Variants in PEX14 observed in about 807,000 individuals in gnomAD.
PEX14 encodes peroxisomal membrane protein PEX14.
Under a neutral mutation model 49.5 loss-of-function variants are expected in PEX14, and 15 were observed. The observed-to-expected ratio is 0.30, with a 90% CI of 0.20 to 0.47. PEX14 has a LOEUF of 0.47. Among genes scored for constraint, PEX14 ranks in the 20% least tolerant of loss-of-function variants. The pLI, the probability that PEX14 is intolerant of heterozygous loss-of-function variation, is 1.00. For synonymous variants in PEX14, 210 were observed against 212.7 expected, an observed-to-expected ratio of 0.99 and a Z score of 0.11; for missense variants, 398 against 494.8, an observed-to-expected ratio of 0.80 and a Z score of 1.86.
intron 3 of PEX14, among the ~76,000 whole-genome samples, chr1:10,556,602 G>A (rs1478855871): frequency 1.3e-5 from 2 of 152,152 alleles, no homozygotes; most frequent in East Asian, 1.9e-4. Context: ...TGAGCACTGC[G>A]CCTGATGTGG....
At chr1:10,481,719 A>G (rs1190994451) in intron 1 of PEX14, among the ~76,000 whole-genome samples, 1 of 149,932 alleles carries the variant, frequency 6.7e-6, no homozygotes, top group Non-Finnish European at 1.5e-5. Flanking sequence ...CTTAACACAT[A>G]TTTTTGAGAT....
chr1:10,525,061 G>C (rs894531262), intron 2 of PEX14, among the ~76,000 whole-genome samples: 21 of 152,158 alleles, frequency 1.4e-4, no homozygotes, highest in African/African-American at 5.1e-4. Context: ...GATGTTTATG[G>C]TATTTAGTGA....
Position 10,557,132 on chromosome 1 carries a change from C to G in PEX14, c.169+20835C>G, listed in dbSNP as rs563339912. ...ATCCATCAATACAGATCTCTAGCAT[C>G]AATTTTAGTAACTGCCTTGTGTTCT... On this transcript the variant is annotated intron_variant, in intron 3 of 8. Coordinates refer to ENST00000356607, the MANE Select transcript of PEX14 (RefSeq NM_004565.3). Among the ~76,000 whole-genome samples, 4 of 152,128 alleles carry G rather than the reference C, an allele frequency of 2.6e-5. No individual in the cohort carries two copies. The South Asian group carries it at 8.3e-4, about 32-fold the overall frequency.
chr1:10,627,158 C>T (rs568433509), intron 7 of PEX14, 114 bp from the exon 8 acceptor site: 1 of 783,690 alleles, frequency 1.3e-6, no homozygotes, highest in East Asian at 2.4e-5. Flanking sequence ...CCGGGTTCCC[C>T]AGAACAGACC....
intron 1 of PEX14, among the ~76,000 whole-genome samples, chr1:10,478,826 A>G (rs1410104098): frequency 1.3e-5 from 2 of 151,548 alleles, no homozygotes; most frequent in Admixed American, 6.6e-5. Context: ...ACTCACTGCA[A>G]GCTCCGCCTC....
At chr1:10,499,215 C>T (rs1641623319) in intron 2 of PEX14, among the ~76,000 whole-genome samples, 1 of 152,192 alleles carries the variant, frequency 6.6e-6, no homozygotes, top group African/African-American at 2.4e-5. Context: ...TCACTTGTTT[C>T]AATTCAGTTT....
At position 10,494,825 on chromosome 1, in the gene PEX14, C is replaced by T. The variant is rs539255444; in HGVS notation, c.37-449C>T. Among the ~76,000 whole-genome samples the T allele has an allele frequency of 7.0e-4, 106 of 152,302 alleles. No homozygotes were observed. Among genetic ancestry groups the T allele is most frequent in the Middle Eastern group, 3.4e-3 (1 of 294 alleles). ...AATCCTGAGCGTGGGCAGCTGGGGC[C>T]CCCTGGTGGTGGAATCTGGTTCTCC... On this transcript the variant is annotated intron_variant, in intron 1 of 8. Transcript: ENST00000356607. The surrounding 1 kb of genome is among the most constrained non-coding windows in gnomAD (Gnocchi z 4.3).
chr1:10,484,173 G>T (rs1026782148), intron 1 of PEX14, among the ~76,000 whole-genome samples: 2 of 119,826 alleles, frequency 1.7e-5, no homozygotes, highest in East Asian at 5.3e-4. Flanking sequence ...GATTACAGGC[G>T]CCCACCACCA....
In PEX14 at chr1:10,629,757, G is replaced by T. The variant is rs759395711; in HGVS notation, c.904G>T (p.Val302Leu). Reference sequence around the variant, plus strand: ...GGGCCCCCAGGAGGAAGGCGAGGGGGTGGTGGACGTCAAGGGCCAGGTGCG... The same window carrying T: ...GGGCCCCCAGGAGGAAGGCGAGGGGTTGGTGGACGTCAAGGGCCAGGTGCG... Reference protein sequence around the residue: ...LLGPQEEGEGVVDVKGQVRME... With the variant: ...LLGPQEEGEGLVDVKGQVRME... The change falls in exon 9 of 9, where the codon GTG becomes TTG. Residue 302 changes from valine to leucine, a missense_variant. By Grantham distance (32) the Val-to-Leu change is conservative. Around this residue, in one of 3 missense-constraint regions of PEX14, gnomAD observed 140 missense variants for 155.5 expected, o/e 0.90. Coordinates refer to ENST00000356607, the MANE Select transcript of PEX14 (RefSeq NM_004565.3). The surrounding 1 kb of genome is among the most constrained non-coding windows in gnomAD (Gnocchi z 8.5). The T allele has an allele frequency of 6.3e-7, 1 of 1,586,890 alleles. No individual in the cohort carries two copies.
intron 3 of PEX14, among the ~76,000 whole-genome samples, chr1:10,572,888 A>G (rs898274380): frequency 2.6e-5 from 4 of 152,194 alleles, no homozygotes. Flanking sequence ...TACAAATGTT[A>G]TAGACTGTAC....
chr1:10,543,623 A>G (rs546590362), intron 3 of PEX14, among the ~76,000 whole-genome samples: 1 of 152,206 alleles, frequency 6.6e-6, no homozygotes, highest in Admixed American at 6.5e-5. Flanking sequence ...TGGGGTTAGG[A>G]CCCAATATTA....
chr1:10,552,705 T>A (rs1381435530), intron 3 of PEX14, among the ~76,000 whole-genome samples: 1 of 152,136 alleles, frequency 6.6e-6, no homozygotes. Flanking sequence ...TATAAACAGA[T>A]GTGGTGTGGG....
At chr1:10,565,092 C>T (rs558374532) in intron 3 of PEX14, among the ~76,000 whole-genome samples, 9 of 152,116 alleles carry the variant, frequency 5.9e-5, no homozygotes, top group South Asian at 2.1e-4. Flanking sequence ...TTAGTAGAGA[C>T]GAGGTTTCAC....
Position 10,630,311 on chromosome 1 carries a change from C to T in PEX14, c.*324C>T. 2.2e-6 allele frequency: 1 copy of T among 456,256 alleles called. No homozygotes were observed. Among genetic ancestry groups the T allele is most frequent in the Non-Finnish European group, 4.0e-6 (1 of 251,280 alleles). The allele number at this position is 456,256 out of a possible 1,614,324, so 28.3% of individuals were successfully genotyped here. ...CCCCCTCTCCCGGACAGACGCCTTG[C>T]CCAGGGTGTGTTTGCTGAGTGTCTT... On this transcript the variant is annotated 3_prime_UTR_variant, in exon 9 of 9. Transcript: ENST00000356607. This position sits in a 1 kb window ranked among gnomAD's most constrained non-coding sequence, Gnocchi z 4.1.
intron 3 of PEX14, among the ~76,000 whole-genome samples, chr1:10,594,309 C>T (rs1048517726): frequency 6.6e-6 from 1 of 152,056 alleles, no homozygotes; most frequent in Non-Finnish European, 1.5e-5. Context: ...TGTGCCGGGG[C>T]AGATAACTTA....
intron 4 of PEX14, among the ~76,000 whole-genome samples, chr1:10,612,573 CAG>C (rs1641303762): frequency 6.6e-6 from 1 of 152,194 alleles, no homozygotes; most frequent in East Asian, 1.9e-4. Flanking sequence ...CTGTTCAGAG[CAG>C]AGACGATCTG....
At chr1:10,508,639 G>A (rs545172693) in intron 2 of PEX14, among the ~76,000 whole-genome samples, 87 of 152,368 alleles carry the variant, frequency 5.7e-4, no homozygotes, top group Admixed American at 1.0e-3. Context: ...TCTTCCAGCT[G>A]TGTGGCTGAG....
At chr1:10,487,485 T>TTC (rs1553182061) in intron 1 of PEX14, among the ~76,000 whole-genome samples, 1 of 135,326 alleles carries the variant, frequency 7.4e-6, no homozygotes, top group East Asian at 2.1e-4. Context: ...TTCTTTCTTT[T>TTC]TTTTTTTTTT....
chr1:10,557,438 T>C (rs908169706), intron 3 of PEX14, among the ~76,000 whole-genome samples: 1 of 151,974 alleles, frequency 6.6e-6, no homozygotes, highest in African/African-American at 2.4e-5. Flanking sequence ...ATACAAAAAA[T>C]AGCCAGCTGT....
Sources: gnomAD v4.1 joint callset for allele counts (sites outside exome capture counted in the v4.1 genomes callset) on GRCh38, gnomAD v4.1.1 for gene constraint, gnomAD v4.1.1 regional missense constraint, Gnocchi (gnomAD v3.1) non-coding constraint, MANE v1.5 for transcripts, NCBI Gene and HGNC (gene_info 2026-07-23, HGNC 2026-07-21) for gene names.